DGKB: variants seen among roughly 807,000 people sequenced by gnomAD.
DGKB encodes the protein diacylglycerol kinase beta, also known as 90 kDa diacylglycerol kinase.
In DGKB, 67 loss-of-function variants were observed where a neutral mutation model predicts 114.3. The observed-to-expected ratio is 0.59, with a 90% confidence interval of 0.48 to 0.72. The LOEUF is 0.72. Ranked by LOEUF, DGKB falls within the 30% of genes least tolerant of loss-of-function variation. DGKB has a pLI of 0.00. For missense variants in DGKB, 907 were observed against 975.2 expected, an observed-to-expected ratio of 0.93 and a Z score of 0.93; for synonymous variants, 398 against 323.1, an observed-to-expected ratio of 1.23 and a Z score of -2.49.
intron 23 of DGKB, among the ~76,000 whole-genome samples, chr7:14,233,274 G>A (rs1792196609): frequency 6.6e-6 from 1 of 152,036 alleles, no homozygotes; most frequent in African/African-American, 2.4e-5. Context: ...CTAGTCTGGT[G>A]ATCCAATGAC....
At chr7:14,888,107 A>T (rs1780603148) in intron 1 of DGKB, among the ~76,000 whole-genome samples, 1 of 151,810 alleles carries the variant, frequency 6.6e-6, no homozygotes, top group African/African-American at 2.4e-5. Context: ...AATCTAGTAA[A>T]AACAGGAAAT....
At chr7:14,736,228 A>G (rs1379930367) in intron 4 of DGKB, 34 bp from the exon 5 acceptor site, 2 of 1,357,502 alleles carry the variant, frequency 1.5e-6, no homozygotes, top group East Asian at 4.7e-5. Flanking sequence ...GTATTTTAAG[A>G]TCCAACCAAA....
At chr7:14,329,055 C>A (rs914786673) in intron 23 of DGKB, among the ~76,000 whole-genome samples, 3 of 151,958 alleles carry the variant, frequency 2.0e-5, no homozygotes, top group Admixed American at 6.6e-5. Context: ...TGGCCGCACA[C>A]TTCCAAGGAG....
intron 21 of DGKB, among the ~76,000 whole-genome samples, chr7:14,460,058 T>C (rs992039891): frequency 3.3e-5 from 5 of 152,168 alleles, no homozygotes; most frequent in Non-Finnish European, 5.9e-5. Flanking sequence ...TGAGAGATTT[T>C]GTCACCACCA....
intron 20 of DGKB, among the ~76,000 whole-genome samples, chr7:14,528,675 T>G (rs774704804): frequency 6.6e-6 from 1 of 151,950 alleles, no homozygotes; most frequent in Non-Finnish European, 1.5e-5. Context: ...AAAAAAACTA[T>G]CAAGACATTA....
At chr7:14,550,226 C>T (rs1224111938) in intron 20 of DGKB, among the ~76,000 whole-genome samples, 1 of 151,922 alleles carries the variant, frequency 6.6e-6, no homozygotes, top group South Asian at 2.1e-4. Flanking sequence ...ATTTATCATT[C>T]ATTAGAGATT....
intron 4 of DGKB, among the ~76,000 whole-genome samples, chr7:14,752,402 C>T (rs1049016412): frequency 1.3e-5 from 2 of 152,042 alleles, no homozygotes; most frequent in African/African-American, 4.8e-5. Flanking sequence ...ATACAGAGTA[C>T]AAAGTGCGAA....
intron 16 of DGKB, among the ~76,000 whole-genome samples, chr7:14,612,882 T>C (rs1057436330): frequency 1.3e-5 from 2 of 152,164 alleles, no homozygotes; most frequent in Admixed American, 6.6e-5. Flanking sequence ...TCAGATTAAA[T>C]ATATTGTACT....
chr7:14,447,695 A>G (rs954193601), intron 21 of DGKB, among the ~76,000 whole-genome samples: 3 of 152,154 alleles, frequency 2.0e-5, no homozygotes, highest in Non-Finnish European at 4.4e-5. Flanking sequence ...AAATGTTCAA[A>G]ACACTTCTAG....
intron 23 of DGKB, among the ~76,000 whole-genome samples, chr7:14,231,698 A>G (rs1052235965): frequency 1.1e-4 from 17 of 152,036 alleles, no homozygotes; most frequent in Middle Eastern, 6.8e-3. Flanking sequence ...TTTCTGCTAT[A>G]CAGAAAAAAA....
intron 2 of DGKB, among the ~76,000 whole-genome samples, chr7:14,826,241 T>C (rs1845697163): frequency 6.6e-6 from 1 of 152,126 alleles, no homozygotes; most frequent in Non-Finnish European, 1.5e-5. Flanking sequence ...CTTCTGCCTA[T>C]AACTTCTAAT....
At chr7:14,907,055 T>G (rs558018426), upstream of DGKB, among the ~76,000 whole-genome samples, 1 of 152,338 alleles carries the variant, frequency 6.6e-6, no homozygotes, top group Non-Finnish European at 1.5e-5. Flanking sequence ...TTCCTAAATT[T>G]AACAAAGTGC....
chr7:14,175,277 T>C (rs1222066905), intron 25 of DGKB, among the ~76,000 whole-genome samples: 1 of 152,222 alleles, frequency 6.6e-6, no homozygotes, highest in Non-Finnish European at 1.5e-5. Flanking sequence ...TAATACATAC[T>C]CACATATAAC....
At chr7:14,705,218 G>A (rs1307335149) in intron 6 of DGKB, among the ~76,000 whole-genome samples, 1 of 152,106 alleles carries the variant, frequency 6.6e-6, no homozygotes, top group African/African-American at 2.4e-5. Flanking sequence ...AAGGGTGTCA[G>A]CAATGGAAGA....
At chr7:14,545,508 T>C (rs1794136880) in intron 20 of DGKB, among the ~76,000 whole-genome samples, 1 of 152,164 alleles carries the variant, frequency 6.6e-6, no homozygotes, top group South Asian at 2.1e-4. Context: ...ATGACATGTA[T>C]TACGAGATGT....
At chr7:14,919,476 C>CA (rs1383222613) in intron 1 of DGKB, among the ~76,000 whole-genome samples, 2 of 152,002 alleles carry the variant, frequency 1.3e-5, no homozygotes, top group Non-Finnish European at 2.9e-5. Flanking sequence ...ACATGTTTCA[C>CA]AAAAAATAAT....
intron 21 of DGKB, among the ~76,000 whole-genome samples, chr7:14,426,098 G>T (rs140125936): frequency 2.1e-3 from 314 of 152,148 alleles, no homozygotes; most frequent in African/African-American, 7.1e-3. Flanking sequence ...TGAATTAACA[G>T]AAAATGAAAG....
intron 23 of DGKB, among the ~76,000 whole-genome samples, chr7:14,245,077 A>G (rs1794274723): frequency 6.6e-6 from 1 of 152,124 alleles, no homozygotes; most frequent in Non-Finnish European, 1.5e-5. Flanking sequence ...ATTGAGATTC[A>G]TGAAGATGTC....
At chr7:14,279,974 C>T (rs1799674505) in intron 23 of DGKB, among the ~76,000 whole-genome samples, 1 of 152,218 alleles carries the variant, frequency 6.6e-6, no homozygotes. Flanking sequence ...CAAAGGAACG[C>T]AGCTCCTCAC....
Sources: gnomAD v4.1 joint callset for allele counts (sites outside exome capture counted in the v4.1 genomes callset) on GRCh38, gnomAD v4.1.1 for gene constraint, MANE v1.5 for transcripts, NCBI Gene and HGNC (gene_info 2026-07-23, HGNC 2026-07-21) for gene names.